Variants in FAM200B observed in about 807,000 individuals in gnomAD.
FAM200B encodes the protein protein FAM200B.
FAM200B carries 32 observed loss-of-function variants against 33.1 expected under a neutral mutation model. That is an observed-to-expected ratio of 0.97 (90% CI 0.73 to 1.30). FAM200B has a LOEUF of 1.30. FAM200B is among the 50% of genes most tolerant of loss of function. FAM200B has a pLI of 0.00. For missense variants in FAM200B, 741 were observed against 754.0 expected, an observed-to-expected ratio of 0.98 and a Z score of 0.20; for synonymous variants, 240 against 264.8, an observed-to-expected ratio of 0.91 and a Z score of 0.91.
chr4:15,647,167 G>C, the FAM200B span, among the ~76,000 whole-genome samples: 1 of 132,380 alleles, frequency 7.6e-6, no homozygotes, highest in Non-Finnish European at 1.5e-5. Flanking sequence ...AGGTTGCAGT[G>C]AGCCGAGATC....
the FAM200B span, among the ~76,000 whole-genome samples, chr4:15,657,343 G>GA: frequency 6.6e-6 from 1 of 152,094 alleles, no homozygotes; most frequent in Non-Finnish European, 1.5e-5. Flanking sequence ...AAATATGTTG[G>GA]AAAAAAGAAT....
the FAM200B span, among the ~76,000 whole-genome samples, chr4:15,661,451 C>T: frequency 6.6e-6 from 1 of 152,106 alleles, no homozygotes; most frequent in African/African-American, 2.4e-5. Flanking sequence ...GTAAAATGAG[C>T]AGATTGGTCA....
chr4:15,682,663 T>C (rs1182383853), intron 1 of FAM200B, among the ~76,000 whole-genome samples: 1 of 152,266 alleles, frequency 6.6e-6, no homozygotes, highest in Non-Finnish European at 1.5e-5. Flanking sequence ...TATGTCACTG[T>C]TCATTGTTTA....
the FAM200B span, chr4:15,644,833 C>T: frequency 1.6e-6 from 1 of 641,768 alleles, no homozygotes; most frequent in Non-Finnish European, 2.6e-6. Flanking sequence ...GGTTAAAGTA[C>T]AAATAAAAGA....
chr4:15,663,643 G>A, the FAM200B span, among the ~76,000 whole-genome samples: 1 of 152,158 alleles, frequency 6.6e-6, no homozygotes, highest in African/African-American at 2.4e-5. Context: ...GGACTGTGGT[G>A]GAGATTAAAT....
chr4:15,690,376 A>G lies in FAM200B; in HGVS notation c.*1425A>G, dbSNP rs1232634060. 1.2e-5 allele frequency: 2 copies of G among 165,814 alleles called. No individual in the cohort carries two copies. Among genetic ancestry groups the G allele is most frequent in the African/African-American group, 2.4e-5 (1 of 41,036 alleles). The allele number at this position is 165,814 out of a possible 1,614,324, so 10.3% of individuals were successfully genotyped here. On this transcript the variant is annotated 3_prime_UTR_variant, in exon 2 of 2. Transcript: ENST00000422728. ...TGCCTAGCCTTATTTAATTTTTCAG[A>G]TTTTCTGTTCTATTGAAGGTAATTG...
chr4:15,674,413 T>C, the FAM200B span, among the ~76,000 whole-genome samples: 2 of 152,162 alleles, frequency 1.3e-5, no homozygotes, highest in African/African-American at 4.8e-5. Context: ...AATCAACTTA[T>C]GAATACATAG....
At chr4:15,676,113 T>C in the FAM200B span, among the ~76,000 whole-genome samples, 12 of 152,208 alleles carry the variant, frequency 7.9e-5, no homozygotes, top group African/African-American at 2.9e-4. Context: ...AGAGGAGATA[T>C]GACTACAGAG....
chr4:15,688,565 A>G lies in FAM200B; in HGVS notation c.1588A>G (p.Thr530Ala). 6.5e-7 allele frequency: 1 copy of G among 1,548,970 alleles called. No individual in the cohort carries two copies. The highest frequency in any genetic ancestry group is 8.7e-7 in the Non-Finnish European group (1 of 1,145,198). The change falls in exon 2 of 2, where the codon ACA becomes GCA. Residue 530 changes from threonine (T) to alanine (A), a missense_variant. Physicochemically the swap from Thr to Ala is moderately conservative, Grantham distance 58. Transcript: ENST00000422728. The part of the protein sequence containing the change: ...NHFFPEEKFE[T>A]LRENSWVKDP... The stretch of plus-strand genomic sequence containing the variant: ...TTTCTTTCCAGAAGAAAAATTTGAA[A>G]CATTAAGGGAAAACAGTTGGGTAAA...
At position 15,688,025 on chromosome 4, in the gene FAM200B, G is replaced by C. The variant is rs1375270229; in HGVS notation, c.1048G>C (p.Val350Leu). 2 of 1,551,018 alleles carry C rather than the reference G, an allele frequency of 1.3e-6. No homozygotes were observed. The highest frequency in any genetic ancestry group is 1.7e-6 in the Non-Finnish European group (2 of 1,146,550). Residue 350 changes from valine (V) to leucine (L), a missense_variant, in exon 2 of 2, where the codon GTG (valine) becomes CTG (leucine). Coordinates refer to ENST00000422728, the MANE Select transcript of FAM200B (RefSeq NM_001145191.2). ...QNLMEVLKNA[V>L]KVVNFIKGSS... ...TCTCATGGAGGTATTGAAAAATGCA[G>C]TGAAAGTTGTTAATTTTATTAAAGG...
chr4:15,645,679 G>A, the FAM200B span, among the ~76,000 whole-genome samples: 2 of 151,646 alleles, frequency 1.3e-5, no homozygotes, highest in Non-Finnish European at 2.9e-5. Flanking sequence ...CACCCGCCTC[G>A]GCCTCCCAAA....
At chr4:15,677,787 T>C (rs1201977729), upstream of FAM200B, among the ~76,000 whole-genome samples, 2 of 152,122 alleles carry the variant, frequency 1.3e-5, no homozygotes, top group South Asian at 2.1e-4. Flanking sequence ...GTTCTGTGAG[T>C]CATTCTAGCA....
the FAM200B span, among the ~76,000 whole-genome samples, chr4:15,653,865 T>A: frequency 2.0e-5 from 3 of 152,200 alleles, no homozygotes; most frequent in African/African-American, 7.2e-5. Context: ...ATACCTGATG[T>A]CTGGGTGAAA....
At chr4:15,679,766 TA>T (rs553579071), upstream of FAM200B, among the ~76,000 whole-genome samples, 269 of 142,452 alleles carry the variant, frequency 1.9e-3, no homozygotes, top group Admixed American at 1.8e-3. Context: ...CCAATCCCCC[TA>T]AAAAAAAAAA....
chr4:15,653,407 T>G, the FAM200B span, among the ~76,000 whole-genome samples: 3 of 152,204 alleles, frequency 2.0e-5, no homozygotes, highest in Admixed American at 2.0e-4. Context: ...CTTGAAAATT[T>G]TAAAATAAGG....
rs757851157 is a variant in FAM200B at position 15,687,617 on chromosome 4, A to T, written c.640A>T (p.Met214Leu). ...ICTIAEHLET[M>L]LITRLQSGID... ...TACTATTGCAGAACATTTAGAAACA[A>T]TGCTTATTACTCGTTTACAGTCTGG... Residue 214 changes from methionine (M) to leucine (L), a missense_variant, in exon 2 of 2, where the codon ATG (methionine) becomes TTG (leucine). Coordinates refer to ENST00000422728, the MANE Select transcript of FAM200B (RefSeq NM_001145191.2). The T allele has an allele frequency of 6.4e-7, 1 of 1,550,872 alleles. No individual in the cohort carries two copies. The highest frequency in any genetic ancestry group is 1.4e-5 in the African/African-American group (1 of 73,026).
At chr4:15,664,294 T>C in the FAM200B span, among the ~76,000 whole-genome samples, 2 of 152,142 alleles carry the variant, frequency 1.3e-5, no homozygotes, top group African/African-American at 4.8e-5. Flanking sequence ...GAACTACTGG[T>C]TTCCCTGCTT....
At chr4:15,675,873 G>A in the FAM200B span, among the ~76,000 whole-genome samples, 100 of 152,200 alleles carry the variant, frequency 6.6e-4, no homozygotes, top group Middle Eastern at 3.4e-3. Context: ...ATGAGCCACC[G>A]CGCCCAGCCA....
At chr4:15,683,817 CTG>C (rs1163943202) in intron 1 of FAM200B, among the ~76,000 whole-genome samples, 2 of 152,142 alleles carry the variant, frequency 1.3e-5, no homozygotes, top group Non-Finnish European at 2.9e-5. Flanking sequence ...TTGTTACTGA[CTG>C]TGATAAAAAT....
Sources: gnomAD v4.1 joint callset for allele counts (sites outside exome capture counted in the v4.1 genomes callset) on GRCh38, gnomAD v4.1.1 for gene constraint, MANE v1.5 for transcripts, NCBI Gene and HGNC (gene_info 2026-07-23, HGNC 2026-07-21) for gene names.